UST: variants seen among roughly 807,000 people sequenced by gnomAD.
UST encodes the protein chondroitin sulfate 2-O-sulfotransferase.
UST carries 21 observed loss-of-function variants against 45.6 expected under a neutral mutation model. That is an observed-to-expected ratio of 0.46 (90% confidence interval 0.33 to 0.66). UST has a LOEUF of 0.66. Ranked by LOEUF, UST falls within the 30% of genes least tolerant of loss-of-function variation. UST has a pLI of 0.02. For missense variants in UST, 463 were observed against 512.4 expected (o/e 0.90, Z 0.93); for synonymous variants, 215 against 200.6 (o/e 1.07, Z -0.61).
At chr6:149,060,041 A>G (rs1776630263) in intron 7 of UST, among the ~76,000 whole-genome samples, 2 of 152,172 alleles carry the variant, frequency 1.3e-5, no homozygotes, top group East Asian at 1.9e-4. Context: ...CAAAAATCCA[A>G]GCAAAGTGTG....
chr6:148,751,436 C>G (rs1292438443), intron 1 of UST, among the ~76,000 whole-genome samples: 1 of 152,064 alleles, frequency 6.6e-6, no homozygotes, highest in Admixed American at 6.5e-5. Context: ...TGGGGAAGGA[C>G]GAGAACAGAG....
intron 1 of UST, among the ~76,000 whole-genome samples, chr6:148,833,125 C>T (rs900415770): frequency 1.3e-5 from 2 of 152,138 alleles, no homozygotes; most frequent in East Asian, 3.8e-4. Context: ...ACTATGAAGA[C>T]AGTATCATAG....
chr6:148,789,460 C>T (rs1005121596), intron 1 of UST, among the ~76,000 whole-genome samples: 5 of 118,664 alleles, frequency 4.2e-5, no homozygotes, highest in African/African-American at 1.9e-4. Context: ...CTCTCACACA[C>T]ACACACACAC....
chr6:148,868,211 T>G, intron 1 of UST, among the ~76,000 whole-genome samples: 1 of 152,240 alleles, frequency 6.6e-6, no homozygotes, highest in East Asian at 1.9e-4. Flanking sequence ...AATTGATGTT[T>G]TCTGCTGTTG....
chr6:149,030,949 C>T (rs1419853400), intron 7 of UST, among the ~76,000 whole-genome samples: 4 of 152,150 alleles, frequency 2.6e-5, no homozygotes, highest in Non-Finnish European at 4.4e-5. Context: ...TGGCTCATGC[C>T]TGTAATCTCA....
intron 6 of UST, among the ~76,000 whole-genome samples, chr6:149,019,961 A>T (rs1775955425): frequency 6.6e-6 from 1 of 152,204 alleles, no homozygotes; most frequent in South Asian, 2.1e-4. Context: ...GACAAATGTC[A>T]TAGCCTGGAG....
intron 5 of UST, 112 bp downstream of exon 5, chr6:148,964,675 A>AGAAG: frequency 7.2e-7 from 1 of 1,395,670 alleles, no homozygotes; most frequent in Non-Finnish European, 9.7e-7. Flanking sequence ...GCCTCCATGG[A>AGAAG]GCGTGGCGCA....
intron 5 of UST, among the ~76,000 whole-genome samples, chr6:149,009,773 G>T (rs888078366): frequency 1.3e-5 from 2 of 151,528 alleles, no homozygotes; most frequent in Admixed American, 1.3e-4. Context: ...CAACTGAGAG[G>T]CAGAGAGGCA....
chr6:148,859,590 T>C (rs1240190280), intron 1 of UST, among the ~76,000 whole-genome samples: 1 of 152,214 alleles, frequency 6.6e-6, no homozygotes, highest in East Asian at 1.9e-4. Context: ...CTGAATGGTA[T>C]TGCCTAGGTT....
intron 3 of UST, among the ~76,000 whole-genome samples, chr6:148,948,364 A>G (rs574214599): frequency 6.6e-6 from 1 of 152,370 alleles, no homozygotes; most frequent in Non-Finnish European, 1.5e-5. Flanking sequence ...AGGGTTAGAT[A>G]CCGCCTCTGC....
intron 3 of UST, among the ~76,000 whole-genome samples, chr6:148,952,312 A>G (rs1780381528): frequency 6.6e-6 from 1 of 152,240 alleles, no homozygotes; most frequent in Middle Eastern, 3.2e-3. Flanking sequence ...TGTCGAGGAT[A>G]AACAGTAGAT....
At chr6:149,058,946 TCAA>T (rs1776613199) in intron 7 of UST, among the ~76,000 whole-genome samples, 1 of 152,166 alleles carries the variant, frequency 6.6e-6, no homozygotes, top group Non-Finnish European at 1.5e-5. Context: ...GCACATACTT[TCAA>T]ACAAATATGT....
At chr6:148,759,876 C>T (rs894081285) in intron 1 of UST, among the ~76,000 whole-genome samples, 2 of 149,054 alleles carry the variant, frequency 1.3e-5, no homozygotes, top group Non-Finnish European at 3.0e-5. Flanking sequence ...AAAAAAGTCC[C>T]TGAGGTAATT....
intron 1 of UST, among the ~76,000 whole-genome samples, chr6:148,835,107 A>G (rs1457440339): frequency 6.6e-6 from 1 of 152,192 alleles, no homozygotes; most frequent in Non-Finnish European, 1.5e-5. Context: ...GGATTCAGTC[A>G]ACCAATGATC....
intron 3 of UST, among the ~76,000 whole-genome samples, chr6:148,946,303 G>A (rs1780233611): frequency 6.6e-6 from 1 of 152,080 alleles, no homozygotes; most frequent in Admixed American, 6.5e-5. Flanking sequence ...CTGAGGTCAG[G>A]AGTTCGAGAC....
chr6:149,026,251 T>C (rs1776049587), intron 7 of UST, among the ~76,000 whole-genome samples: 2 of 151,840 alleles, frequency 1.3e-5, no homozygotes, highest in African/African-American at 4.8e-5. Flanking sequence ...AGGTCGAGGC[T>C]GCAGTGAGCT....
chr6:148,813,613 C>T (rs1777300670), intron 1 of UST, among the ~76,000 whole-genome samples: 1 of 152,214 alleles, frequency 6.6e-6, no homozygotes, highest in South Asian at 2.1e-4. Flanking sequence ...AACTCCTGAC[C>T]TTGTGATCCA....
intron 7 of UST, among the ~76,000 whole-genome samples, chr6:149,059,816 G>A (rs993716294): frequency 6.6e-6 from 1 of 152,048 alleles, no homozygotes; most frequent in Admixed American, 6.6e-5. Context: ...GAAGCCCCAG[G>A]CAATAACCTA....
At chr6:148,796,517 A>C (rs556276779) in intron 1 of UST, among the ~76,000 whole-genome samples, 8 of 151,090 alleles carry the variant, frequency 5.3e-5, no homozygotes, top group African/African-American at 1.9e-4. Context: ...CCAGCTACTC[A>C]GGAAGCTGAG....
Sources: gnomAD v4.1 joint callset for allele counts (sites outside exome capture counted in the v4.1 genomes callset) on GRCh38, gnomAD v4.1.1 for gene constraint, MANE v1.5 for transcripts, NCBI Gene and HGNC (gene_info 2026-07-23, HGNC 2026-07-21) for gene names.